Variants in CUBN observed in about 807,000 individuals in gnomAD.
CUBN encodes cubilin.
A neutral mutation model predicts 405.3 loss-of-function variants in CUBN; 282 were observed. That is an observed-to-expected ratio of 0.70 (90% CI 0.63 to 0.77). The LOEUF (loss-of-function observed/expected upper bound fraction) is 0.77, where lower values mean the gene tolerates loss of function less well. CUBN is among the 30% of genes least tolerant of loss of function. CUBN has a pLI of 0.00. For missense variants in CUBN, 4,514 were observed against 4,475.2 expected, an observed-to-expected ratio of 1.01 and a Z score of -0.25; for synonymous variants, 1,684 against 1,617.0, an observed-to-expected ratio of 1.04 and a Z score of -0.99.
At chr10:17,010,478 TA>T (rs1375525067) in intron 28 of CUBN, among the ~76,000 whole-genome samples, 414 of 138,638 alleles carry the variant, frequency 3.0e-3, no homozygotes, top group Middle Eastern at 3.8e-3. Context: ...TCAACTCTAC[TA>T]AAAAAAAAAA....
intron 39 of CUBN, among the ~76,000 whole-genome samples, chr10:16,935,451 G>A (rs148652651): frequency 3.3e-5 from 5 of 152,216 alleles, no homozygotes; most frequent in Non-Finnish European, 5.9e-5. Flanking sequence ...ACTGTGCCTG[G>A]TTCCCATTAC....
chr10:17,074,387 G>A (rs1181563096), intron 17 of CUBN, among the ~76,000 whole-genome samples: 1 of 152,120 alleles, frequency 6.6e-6, no homozygotes, highest in Non-Finnish European at 1.5e-5. Context: ...TAAGTAGCAA[G>A]GGACCAAAGA....
intron 4 of CUBN, among the ~76,000 whole-genome samples, chr10:17,125,024 G>T (rs1002752835): frequency 1.3e-5 from 2 of 151,770 alleles, no homozygotes; most frequent in African/African-American, 4.8e-5. Context: ...TAGAGACAGG[G>T]TTCCACCATG....
rs11254368 is a variant in CUBN at position 17,094,487 on chromosome 10, A to G, written c.1765+5518T>C. On this transcript the variant is annotated intron_variant, in intron 14 of 66. Transcript: ENST00000377833. ...CTGTTTGCAAATGGCATGATCTTTC[A>G]TACATAGAATACCCTAAAGACTCCA... is the stretch of plus-strand genomic sequence containing the variant. Among the ~76,000 whole-genome samples, 677 of 152,242 alleles carry G rather than the reference A, an allele frequency of 4.4e-3. 8 individuals are homozygous for G. The highest frequency in any genetic ancestry group is 0.015 in the African/African-American group (629 of 41,558).
chr10:17,077,498 A>T (rs1835878765), intron 17 of CUBN, among the ~76,000 whole-genome samples: 1 of 152,230 alleles, frequency 6.6e-6, no homozygotes, highest in South Asian at 2.1e-4. Context: ...TTCCTCTGCT[A>T]TGAATCCAGA....
rs1486036723 is a variant in CUBN, at chr10:16,874,387, C to A, written c.9223G>T (p.Val3075Leu). Residue 3075 changes from valine to leucine, a missense_variant, in exon 58 of 67, where the codon GTG (valine) becomes TTG (leucine). Val to Leu is a conservative substitution (Grantham distance 32). Coordinates refer to ENST00000377833, the MANE Select transcript of CUBN (RefSeq NM_001081.4). Reference sequence around the variant, plus strand: ...TGTCTTACGTACTTGAGCTCGATCACCTTGTCGTCACTAACGGTGATGGTA... The same window carrying A: ...TGTCTTACGTACTTGAGCTCGATCAACTTGTCGTCACTAACGGTGATGGTA... ...LYTITVSDDK[V>L]IELKFSDFDV... The A allele has an allele frequency of 1.2e-6, 2 of 1,614,020 alleles. No homozygotes were observed. Among genetic ancestry groups the A allele is most frequent in the Non-Finnish European group, 1.7e-6 (2 of 1,180,020 alleles).
At chr10:16,853,514 G>A (rs1839778776) in intron 59 of CUBN, among the ~76,000 whole-genome samples, 3 of 152,204 alleles carry the variant, frequency 2.0e-5, no homozygotes. Context: ...CGTGCAGGGT[G>A]ATTTTTGTTA....
chr10:17,027,752 T>G (rs12415705), intron 27 of CUBN, among the ~76,000 whole-genome samples: 9,182 of 152,228 alleles, frequency 0.06, 442 homozygotes, highest in East Asian at 0.2. Context: ...ATCTCAAGGT[T>G]ATATGTAAAA....
At chr10:17,063,691 A>G (rs1241552904) in intron 22 of CUBN, among the ~76,000 whole-genome samples, 1 of 152,244 alleles carries the variant, frequency 6.6e-6, no homozygotes, top group Non-Finnish European at 1.5e-5. Context: ...GGATGGTAAT[A>G]GAATTGTTTT....
At chr10:17,114,439 C>T (rs1836842298) in intron 7 of CUBN, among the ~76,000 whole-genome samples, 3 of 152,038 alleles carry the variant, frequency 2.0e-5, no homozygotes, top group Admixed American at 2.0e-4. Context: ...AGAGTAACAA[C>T]AATCAAGAAC....
intron 60 of CUBN, among the ~76,000 whole-genome samples, chr10:16,842,901 T>C (rs2131323903): frequency 6.6e-6 from 1 of 152,310 alleles, no homozygotes; most frequent in East Asian, 1.9e-4. Context: ...CTGCTCTTCC[T>C]TCCTCAGGTG....
At chr10:16,980,386 G>A (rs1486295493) in intron 31 of CUBN, among the ~76,000 whole-genome samples, 1 of 152,174 alleles carries the variant, frequency 6.6e-6, no homozygotes, top group East Asian at 1.9e-4. Flanking sequence ...AAAGAGAGAT[G>A]CACACGTATG....
At chr10:17,025,670 G>C (rs1360273461) in intron 27 of CUBN, among the ~76,000 whole-genome samples, 4 of 152,192 alleles carry the variant, frequency 2.6e-5, no homozygotes, top group Non-Finnish European at 5.9e-5. Flanking sequence ...TTGGGGATTA[G>C]AGAACAGGAG....
In CUBN at chr10:16,891,889, TC is replaced by T. The variant is rs537869862; in HGVS notation, c.8599-1363del. The stretch of plus-strand genomic sequence containing the variant: ...AGGGGCCAGGACTATTGCTACACAA[TC>T]TGCAATACCCAATATGCCCTTTCTA... On this transcript the variant is annotated intron_variant, in intron 54 of 66. Coordinates refer to ENST00000377833, the MANE Select transcript of CUBN (RefSeq NM_001081.4). Among the ~76,000 whole-genome samples, 376 of 152,224 alleles carry T rather than the reference TC, an allele frequency of 2.5e-3. 3 individuals carry two copies. The highest frequency in any genetic ancestry group is 8.5e-3 in the African/African-American group (355 of 41,544).
intron 15 of CUBN, among the ~76,000 whole-genome samples, chr10:17,087,477 T>TC (rs1564510392): frequency 2.1e-5 from 2 of 96,854 alleles, no homozygotes; most frequent in African/African-American, 1.2e-4. Context: ...TTTTTCTTTT[T>TC]TTTTTTTTTT....
chr10:16,928,381 C>T, intron 40 of CUBN, 78 bp from the exon 41 acceptor site: 1 of 1,501,986 alleles, frequency 6.7e-7, no homozygotes, highest in Non-Finnish European at 9.2e-7. Context: ...TTAGCCAAAG[C>T]AGCTCACACA....
At position 16,874,477 on chromosome 10, in the gene CUBN, A is replaced by G. The variant is rs2131374558; in HGVS notation, c.9133T>C (p.Ser3045Pro). The G allele has an allele frequency of 2.5e-6, 4 of 1,614,192 alleles. No homozygotes were observed. Among genetic ancestry groups the G allele is most frequent in the Non-Finnish European group, 3.4e-6 (4 of 1,180,014 alleles). Reference protein sequence around the residue: ...ISCGGVFNFSSGIITSPAYSY... With the variant: ...ISCGGVFNFSPGIITSPAYSY... Reference sequence around the variant, plus strand: ...TAGGCAGGACTTGTGATGATTCCAGAAGAGAAATTGAACACACCACCACAG... The same window carrying G: ...TAGGCAGGACTTGTGATGATTCCAGGAGAGAAATTGAACACACCACCACAG... Residue 3045 changes from serine to proline, a missense_variant, in exon 58 of 67, where the codon TCT (serine) becomes CCT (proline). By Grantham distance (74) the Ser-to-Pro change is moderately conservative. Transcript: ENST00000377833.
chr10:16,846,515 A>T (rs1215920067), intron 60 of CUBN, among the ~76,000 whole-genome samples: 1 of 152,158 alleles, frequency 6.6e-6, no homozygotes. Flanking sequence ...GAAAGGAAGG[A>T]TTACAAAATA....
Position 17,068,666 on chromosome 10 carries a change from G to A in CUBN, c.2730C>T (p.Phe910=), listed in dbSNP as rs1588622373. The change falls in exon 20 of 67, where the codon TTC becomes TTT. Residue 910 remains phenylalanine, a synonymous_variant. Coordinates refer to ENST00000377833, the MANE Select transcript of CUBN (RefSeq NM_001081.4). ...GGTTTTCAGTAGAAGAACTTTTCAC[G>A]AATGTGACATAAAGAAAATTGTACA... The part of the protein sequence containing the change: ...TSVYNFLYVT[F]VKSSSTENHG... 8 of 1,612,566 alleles carry A rather than the reference G, an allele frequency of 5.0e-6. No homozygotes were observed. The highest frequency in any genetic ancestry group is 1.3e-5 in the African/African-American group (1 of 74,878).
Sources: gnomAD v4.1 joint callset for allele counts (sites outside exome capture counted in the v4.1 genomes callset) on GRCh38, gnomAD v4.1.1 for gene constraint, MANE v1.5 for transcripts, NCBI Gene and HGNC (gene_info 2026-07-23, HGNC 2026-07-21) for gene names.